The following NBAS variants were observed in gnomAD, a reference collection of about 807,000 sequenced individuals.
NBAS encodes NAG/BC035112 fusion.
In NBAS, 219 loss-of-function variants were observed where a neutral mutation model predicts 302.5. The observed-to-expected ratio is 0.72, with a 90% confidence interval of 0.65 to 0.81. NBAS has a LOEUF of 0.81. Among genes scored for constraint, NBAS ranks in the 30% least tolerant of loss-of-function variants. The pLI is 0.00. For missense variants in NBAS, 2,932 were observed against 2,841.6 expected, an observed-to-expected ratio of 1.03 and a Z score of -0.72; for synonymous variants, 1,118 against 1,021.6, an observed-to-expected ratio of 1.09 and a Z score of -1.80.
the NBAS span, among the ~76,000 whole-genome samples, chr2:15,084,216 T>C: frequency 0.15 from 22,368 of 151,922 alleles, 4,427 homozygotes; most frequent in African/African-American, 0.45. Context: ...CTATAGTGTA[T>C]GCCTGCCTAA....
intron 9 of NBAS, among the ~76,000 whole-genome samples, chr2:15,517,427 C>T (rs1474462815): frequency 4.0e-5 from 6 of 151,876 alleles, no homozygotes; most frequent in Admixed American, 3.9e-4. Flanking sequence ...GGTCACACAC[C>T]AAAATTATGA....
At chr2:14,932,416 G>T in the NBAS span, among the ~76,000 whole-genome samples, 1 of 152,182 alleles carries the variant, frequency 6.6e-6, no homozygotes, top group Non-Finnish European at 1.5e-5. Flanking sequence ...TTTAACTATT[G>T]TTCTGTTTTC....
chr2:14,990,754 C>T, the NBAS span, among the ~76,000 whole-genome samples: 1 of 152,156 alleles, frequency 6.6e-6, no homozygotes, highest in East Asian at 1.9e-4. Flanking sequence ...TGCACTCCAC[C>T]ACAGCCAGCT....
the NBAS span, among the ~76,000 whole-genome samples, chr2:14,819,745 A>G: frequency 6.6e-6 from 1 of 152,216 alleles, no homozygotes; most frequent in African/African-American, 2.4e-5. Flanking sequence ...ATGGGAGAAA[A>G]TACTTGCAAA....
chr2:15,254,568 A>G (rs1668502571), intron 44 of NBAS, among the ~76,000 whole-genome samples: 1 of 152,094 alleles, frequency 6.6e-6, no homozygotes, highest in Non-Finnish European at 1.5e-5. Flanking sequence ...AAAATTCAAC[A>G]GTTTTAGGGG....
intron 30 of NBAS, among the ~76,000 whole-genome samples, chr2:15,378,118 T>C (rs1004502870): frequency 6.6e-6 from 1 of 152,210 alleles, no homozygotes; most frequent in Non-Finnish European, 1.5e-5. Flanking sequence ...TTCAGTTTAT[T>C]TGATCAAGAA....
chr2:15,465,483 T>A (rs1271511925), intron 19 of NBAS, among the ~76,000 whole-genome samples: 3 of 152,238 alleles, frequency 2.0e-5, no homozygotes, highest in Non-Finnish European at 4.4e-5. Context: ...CCTCTAGCAA[T>A]GGCACAATAT....
In NBAS at chr2:15,178,992, G is replaced by C; in HGVS notation, c.6836C>G (p.Thr2279Ser). The C allele has an allele frequency of 6.2e-7, 1 of 1,613,946 alleles. No homozygotes were observed. The highest frequency in any genetic ancestry group is 8.5e-7 in the Non-Finnish European group (1 of 1,179,962). ...AGTAAATTCAACTGGGCATACCGTA[G>C]TGACTGCCGTGATTTGCTCCAGTGC... The part of the protein sequence containing the change: ...EMALEQITAV[T>S]TVNDSNCDQE... Residue 2279 changes from threonine (T) to serine (S), a missense_variant, in exon 51 of 52, where the codon ACT becomes AGT. Transcript: ENST00000281513.
chr2:15,503,729 A>T (rs1281404383), intron 11 of NBAS, among the ~76,000 whole-genome samples: 2 of 152,220 alleles, frequency 1.3e-5, no homozygotes, highest in East Asian at 3.8e-4. Context: ...TTCTTCTTGG[A>T]GCATCAGTAA....
At chr2:15,330,841 G>A in intron 35 of NBAS, 76 bp from the exon 36 acceptor site, 4 of 1,448,026 alleles carry the variant, frequency 2.8e-6, no homozygotes, top group South Asian at 1.2e-5. Context: ...TAATGTGACT[G>A]CTTAAAATGA....
chr2:14,826,157 G>C, the NBAS span, among the ~76,000 whole-genome samples: 1 of 152,100 alleles, frequency 6.6e-6, no homozygotes, highest in Non-Finnish European at 1.5e-5. Flanking sequence ...ACAAGTTCAG[G>C]GCTTCTCACT....
At chr2:14,921,242 A>G in the NBAS span, among the ~76,000 whole-genome samples, 12 of 152,180 alleles carry the variant, frequency 7.9e-5, no homozygotes, top group Admixed American at 2.6e-4. Context: ...CACACACAAC[A>G]TTTATCGATT....
the NBAS span, among the ~76,000 whole-genome samples, chr2:14,860,813 G>T: frequency 6.6e-6 from 1 of 152,118 alleles, no homozygotes; most frequent in African/African-American, 2.4e-5. Context: ...AACTGAGGTA[G>T]ATTTCAAAAT....
intron 26 of NBAS, among the ~76,000 whole-genome samples, chr2:15,399,507 A>C (rs894025672): frequency 2.0e-4 from 30 of 149,298 alleles, no homozygotes; most frequent in African/African-American, 7.8e-4. Flanking sequence ...CAGTTCTCAG[A>C]GACACACTTG....
chr2:14,992,691 G>C, the NBAS span, among the ~76,000 whole-genome samples: 1 of 152,324 alleles, frequency 6.6e-6, no homozygotes, highest in African/African-American at 2.4e-5. Context: ...CATTCTGCAT[G>C]TTCCACACCA....
At chr2:15,297,457 G>C (rs773463289) in intron 40 of NBAS, among the ~76,000 whole-genome samples, 1 of 152,166 alleles carries the variant, frequency 6.6e-6, no homozygotes, top group African/African-American at 2.4e-5. Flanking sequence ...CATGGGGGCA[G>C]ACTTCCCCCC....
the NBAS span, among the ~76,000 whole-genome samples, chr2:14,836,577 T>C: frequency 0.052 from 7,952 of 151,988 alleles, 694 homozygotes; most frequent in African/African-American, 0.18. Flanking sequence ...CATATTCTAT[T>C]ACATTTGACT....
intron 40 of NBAS, among the ~76,000 whole-genome samples, chr2:15,296,016 T>C (rs557545097): frequency 2.6e-4 from 40 of 151,624 alleles, no homozygotes; most frequent in Non-Finnish European, 5.3e-4. Context: ...TCTAAAAGAA[T>C]TAAAAACTAC....
the NBAS span, among the ~76,000 whole-genome samples, chr2:14,840,511 G>T: frequency 6.6e-6 from 1 of 151,988 alleles, no homozygotes; most frequent in African/African-American, 2.4e-5. Flanking sequence ...AACAAAGAGA[G>T]GATTCTAAAA....
Sources: gnomAD v4.1 joint callset for allele counts (sites outside exome capture counted in the v4.1 genomes callset) on GRCh38, gnomAD v4.1.1 for gene constraint, MANE v1.5 for transcripts, NCBI Gene and HGNC (gene_info 2026-07-23, HGNC 2026-07-21) for gene names.